Variants in CSMD1 observed in about 807,000 individuals in gnomAD.
CSMD1 encodes the protein CUB and sushi domain-containing protein 1.
In CSMD1, 213 loss-of-function variants were observed where a neutral mutation model predicts 417.5. The ratio of observed to expected loss-of-function variants is 0.51; its 90% CI spans 0.46 to 0.57. CSMD1 has a LOEUF of 0.57. Ranked by LOEUF, CSMD1 falls within the 20% of genes least tolerant of loss-of-function variation. CSMD1 has a pLI of 0.00. For synonymous variants in CSMD1, 2,862 were observed against 1,736.8 expected, an observed-to-expected ratio of 1.65 and a Z score of -16.11; for missense variants, 6,923 against 4,529.7, an observed-to-expected ratio of 1.53 and a Z score of -15.17.
intron 3 of CSMD1, among the ~76,000 whole-genome samples, chr8:4,182,244 C>G (rs368054011): frequency 2.6e-5 from 4 of 152,116 alleles, no homozygotes; most frequent in Non-Finnish European, 5.9e-5. Flanking sequence ...AAGAAAAAAA[C>G]GGAATATATC....
intron 3 of CSMD1, among the ~76,000 whole-genome samples, chr8:4,154,051 C>A (rs1188713882): frequency 6.6e-6 from 1 of 152,134 alleles, no homozygotes; most frequent in African/African-American, 2.4e-5. Flanking sequence ...CATTTGTTTT[C>A]CTAAGGAGGT....
At chr8:3,011,572 C>G (rs1370000471) in intron 52 of CSMD1, among the ~76,000 whole-genome samples, 1 of 152,190 alleles carries the variant, frequency 6.6e-6, no homozygotes, top group East Asian at 1.9e-4. Context: ...CAGAACAATT[C>G]ATCTCCTCAT....
intron 10 of CSMD1, among the ~76,000 whole-genome samples, chr8:3,561,969 C>T (rs1174451072): frequency 6.6e-6 from 1 of 152,132 alleles, no homozygotes; most frequent in African/African-American, 2.4e-5. Flanking sequence ...GTGTGCACTG[C>T]AGGGCTTGCC....
intron 8 of CSMD1, among the ~76,000 whole-genome samples, chr8:3,592,182 A>C (rs79302098): frequency 0.022 from 3,332 of 152,260 alleles, 129 homozygotes; most frequent in African/African-American, 0.076. Context: ...ATAGATTGAC[A>C]GATGACAGAT....
chr8:4,029,133 T>C (rs1477551767), intron 4 of CSMD1, among the ~76,000 whole-genome samples: 1 of 152,044 alleles, frequency 6.6e-6, no homozygotes, highest in African/African-American at 2.4e-5. Flanking sequence ...ATAAAAAAGA[T>C]AAAAAGGAGG....
intron 10 of CSMD1, among the ~76,000 whole-genome samples, chr8:3,501,840 GC>G (rs1475947509): frequency 6.6e-6 from 1 of 152,120 alleles, no homozygotes; most frequent in Non-Finnish European, 1.5e-5. Context: ...GGTTGTAAGG[GC>G]CAATCATAAA....
At chr8:3,090,320 A>C (rs947779888) in intron 48 of CSMD1, among the ~76,000 whole-genome samples, 18 of 114,498 alleles carry the variant, frequency 1.6e-4, no homozygotes, top group African/African-American at 6.3e-4. Context: ...GTATTTCAAA[A>C]AAAAAAAAAA....
At chr8:3,368,237 C>T (rs569581058) in intron 19 of CSMD1, among the ~76,000 whole-genome samples, 3 of 152,312 alleles carry the variant, frequency 2.0e-5, no homozygotes, top group Non-Finnish European at 4.4e-5. Context: ...ACACAGTACA[C>T]ATAATAAAAT....
intron 6 of CSMD1, among the ~76,000 whole-genome samples, chr8:3,721,626 T>C (rs1802180427): frequency 6.6e-6 from 1 of 152,228 alleles, no homozygotes; most frequent in South Asian, 2.1e-4. Flanking sequence ...TAATTATTCT[T>C]ATTTTGCAAA....
intron 27 of CSMD1, among the ~76,000 whole-genome samples, chr8:3,229,166 C>A (rs1470362097): frequency 6.6e-6 from 1 of 152,084 alleles, no homozygotes; most frequent in South Asian, 2.1e-4. Flanking sequence ...ACCACAAACC[C>A]CCTCAAGGTC....
At chr8:4,369,803 C>G (rs1428696311) in intron 3 of CSMD1, among the ~76,000 whole-genome samples, 3 of 152,136 alleles carry the variant, frequency 2.0e-5, no homozygotes, top group African/African-American at 4.8e-5. Flanking sequence ...TTATCCATCC[C>G]TTTACTTCGA....
At chr8:3,468,238 A>G (rs995981121) in intron 12 of CSMD1, among the ~76,000 whole-genome samples, 5 of 152,244 alleles carry the variant, frequency 3.3e-5, no homozygotes, top group Non-Finnish European at 5.9e-5. Context: ...TCAGTTTTCT[A>G]TAACTTGTAA....
intron 2 of CSMD1, among the ~76,000 whole-genome samples, chr8:4,633,194 T>A (rs1391376589): frequency 2.7e-5 from 2 of 74,436 alleles, no homozygotes; most frequent in African/African-American, 7.3e-5. Context: ...CATTTACTAT[T>A]AGGATCAAAA....
chr8:4,164,122 A>T (rs5028347), intron 3 of CSMD1, among the ~76,000 whole-genome samples: 58,898 of 151,814 alleles, frequency 0.39, 11,643 homozygotes, highest in Middle Eastern at 0.5. Flanking sequence ...TTTAAATTTT[A>T]TTATACCTGA....
chr8:3,965,573 G>C (rs1054374765), intron 5 of CSMD1, among the ~76,000 whole-genome samples: 1 of 151,846 alleles, frequency 6.6e-6, no homozygotes, highest in African/African-American at 2.4e-5. Context: ...TCAATTCCAG[G>C]CCTTAGTGTT....
intron 3 of CSMD1, among the ~76,000 whole-genome samples, chr8:4,244,278 C>T (rs953802625): frequency 4.6e-5 from 7 of 152,080 alleles, no homozygotes; most frequent in Non-Finnish European, 1.0e-4. Flanking sequence ...AGCAGGCCCC[C>T]GGGTCTTCGG....
intron 1 of CSMD1, among the ~76,000 whole-genome samples, chr8:4,947,812 C>G (rs376410233): frequency 6.6e-4 from 100 of 152,158 alleles, no homozygotes; most frequent in Middle Eastern, 6.8e-3. Flanking sequence ...TAAAACTCAT[C>G]AAGTTTTTGC....
chr8:4,619,100 C>T (rs970662695), intron 2 of CSMD1, among the ~76,000 whole-genome samples: 1 of 152,020 alleles, frequency 6.6e-6, no homozygotes, highest in Non-Finnish European at 1.5e-5. Context: ...TAATAAATAT[C>T]CTGGTTGAAT....
chr8:4,223,486 G>C lies in CSMD1; in HGVS notation c.416-191387C>G, dbSNP rs74666985. ...ATGCCATGGCTGGGAAGGATAATTG[G>C]TAGAGATGATTGCACAGGGCGTAAT... On this transcript the variant is annotated intron_variant, in intron 3 of 69. Coordinates refer to ENST00000635120, the MANE Select transcript of CSMD1 (RefSeq NM_033225.6). Among the ~76,000 whole-genome samples the C allele has an allele frequency of 9.8e-5, 15 of 152,338 alleles. No individual in the cohort carries two copies. The East Asian group carries it at 2.7e-3, about 27-fold the overall frequency.
Sources: gnomAD v4.1 joint callset for allele counts (sites outside exome capture counted in the v4.1 genomes callset) on GRCh38, gnomAD v4.1.1 for gene constraint, MANE v1.5 for transcripts, NCBI Gene and HGNC (gene_info 2026-07-23, HGNC 2026-07-21) for gene names.